Variants in LMX1A observed in about 807,000 individuals in gnomAD.
LMX1A encodes LIM homeobox transcription factor 1 alpha.
A neutral mutation model predicts 49.1 loss-of-function variants in LMX1A; 15 were observed. The ratio of observed to expected loss-of-function variants is 0.31; its 90% CI spans 0.20 to 0.47. The LOEUF is 0.47. LMX1A is among the 20% of genes least tolerant of loss of function. The pLI, the probability that LMX1A is intolerant of heterozygous loss-of-function variation, is 1.00. For synonymous variants in LMX1A, 167 were observed against 185.7 expected, an observed-to-expected ratio of 0.90 and a Z score of 0.82; for missense variants, 372 against 475.8, an observed-to-expected ratio of 0.78 and a Z score of 2.03.
chr1:165,268,525 C>T (rs1653694225), intron 3 of LMX1A, among the ~76,000 whole-genome samples: 1 of 152,218 alleles, frequency 6.6e-6, no homozygotes, highest in Non-Finnish European at 1.5e-5. Flanking sequence ...AATATTCCCA[C>T]ATCTAATGCC....
intron 3 of LMX1A, among the ~76,000 whole-genome samples, chr1:165,330,395 C>T (rs920536286): frequency 2.0e-5 from 3 of 152,184 alleles, no homozygotes; most frequent in African/African-American, 7.2e-5. Flanking sequence ...TGGTTGAACC[C>T]AGGAGGTTGA....
intron 4 of LMX1A, among the ~76,000 whole-genome samples, chr1:165,227,483 G>A (rs971661269): frequency 1.3e-5 from 2 of 152,162 alleles, no homozygotes; most frequent in African/African-American, 4.8e-5. Context: ...GGAGGCTGCA[G>A]TGAGCCAAGA....
At chr1:165,335,862 T>A (rs116355631) in intron 3 of LMX1A, among the ~76,000 whole-genome samples, 4,128 of 152,096 alleles carry the variant, frequency 0.027, 201 homozygotes, top group African/African-American at 0.094. Flanking sequence ...AGCTTTTACA[T>A]CCTTTTAAAA....
chr1:165,330,156 T>C (rs1352832500), intron 3 of LMX1A, among the ~76,000 whole-genome samples: 1 of 152,198 alleles, frequency 6.6e-6, no homozygotes, highest in Non-Finnish European at 1.5e-5. Context: ...AAGAGGTTAA[T>C]AACAGGGTCA....
intron 3 of LMX1A, among the ~76,000 whole-genome samples, chr1:165,336,255 A>G (rs1655894963): frequency 6.6e-6 from 1 of 152,110 alleles, no homozygotes; most frequent in Non-Finnish European, 1.5e-5. Flanking sequence ...TCCTTCTCAC[A>G]GTGTTATTTC....
chr1:165,338,111 G>A (rs1224045944), intron 3 of LMX1A, among the ~76,000 whole-genome samples: 1 of 152,100 alleles, frequency 6.6e-6, no homozygotes, highest in African/African-American at 2.4e-5. Context: ...CACACTAATT[G>A]GAAGGCTACC....
intron 3 of LMX1A, among the ~76,000 whole-genome samples, chr1:165,318,999 T>TCTCACA (rs1444303214): frequency 1.4e-4 from 16 of 117,818 alleles, no homozygotes; most frequent in African/African-American, 4.2e-4. Context: ...TCTCTCTCTC[T>TCTCACA]CACACACACA....
intron 4 of LMX1A, among the ~76,000 whole-genome samples, chr1:165,236,354 A>G (rs945189697): frequency 5.3e-5 from 8 of 151,618 alleles, no homozygotes; most frequent in Non-Finnish European, 1.0e-4. Flanking sequence ...ACAAAAATCT[A>G]TCGTACAGGC....
chr1:165,333,347 C>T (rs753271599), intron 3 of LMX1A, among the ~76,000 whole-genome samples: 2 of 152,128 alleles, frequency 1.3e-5, no homozygotes, highest in East Asian at 1.9e-4. Context: ...TTAGTAGAGA[C>T]AGGGTTTCAC....
intron 4 of LMX1A, among the ~76,000 whole-genome samples, chr1:165,214,043 C>A (rs965735989): frequency 6.6e-6 from 1 of 152,232 alleles, no homozygotes; most frequent in Non-Finnish European, 1.5e-5. Context: ...GGCTTTATCA[C>A]AGCATCATAT....
chr1:165,313,813 A>G (rs559065066), intron 3 of LMX1A, among the ~76,000 whole-genome samples: 1 of 152,212 alleles, frequency 6.6e-6, no homozygotes, highest in Non-Finnish European at 1.5e-5. Flanking sequence ...AGCATACATG[A>G]AAGCTAAGGT....
At chr1:165,231,292 T>A (rs1309620405) in intron 4 of LMX1A, among the ~76,000 whole-genome samples, 1 of 96,274 alleles carries the variant, frequency 1.0e-5, no homozygotes, top group Non-Finnish European at 2.2e-5. Context: ...ACTGGCTTAG[T>A]TTTTTTTTTT....
Position 165,213,761 on chromosome 1 carries a change from T to A in LMX1A, c.549A>T (p.Lys183Asn). The A allele has an allele frequency of 6.2e-7, 1 of 1,614,192 alleles. No homozygotes were observed. The highest frequency in any genetic ancestry group is 1.1e-5 in the South Asian group (1 of 91,076). The stretch of plus-strand genomic sequence containing the variant: ...GGTCCTTGCCTTCCTCAGCAGTTCC[T>A]TTCCCTGCCCCATGGGCTGACTTGC... Reference protein sequence around the residue: ...SLCKSAHGAGKGTAEEGKDHK... With the variant: ...SLCKSAHGAGNGTAEEGKDHK... Residue 183 changes from lysine to asparagine, a missense_variant, in exon 5 of 9, where the codon AAA (lysine) becomes AAT (asparagine). Physicochemically the swap from Lys to Asn is moderately conservative, Grantham distance 94 (BLOSUM62 0). Around this residue, in one of 3 missense-constraint regions of LMX1A, gnomAD observed 199 missense variants for 244.0 expected, o/e 0.82. Transcript: ENST00000342310.
intron 3 of LMX1A, among the ~76,000 whole-genome samples, chr1:165,261,488 A>G (rs76479211): frequency 0.016 from 2,417 of 152,270 alleles, 58 homozygotes; most frequent in African/African-American, 0.054. Flanking sequence ...AGTTTCCTCA[A>G]AAAAATTAAA....
chr1:165,287,300 T>G (rs1444439089), intron 3 of LMX1A, among the ~76,000 whole-genome samples: 1 of 152,096 alleles, frequency 6.6e-6, no homozygotes, highest in Non-Finnish European at 1.5e-5. Flanking sequence ...GATAGTCCAT[T>G]TCTCTAAAGG....
At chr1:165,322,451 G>A (rs1655445400) in intron 3 of LMX1A, among the ~76,000 whole-genome samples, 1 of 152,112 alleles carries the variant, frequency 6.6e-6, no homozygotes, top group African/African-American at 2.4e-5. Flanking sequence ...TGAATGATAT[G>A]CCAAATGTGG....
Position 165,203,997 on chromosome 1 carries a change from G to A in LMX1A, c.1032C>T (p.Ser344=), listed in dbSNP as rs1650958792. 4 of 1,614,120 alleles carry A rather than the reference G, an allele frequency of 2.5e-6. No homozygotes were observed. The highest frequency in any genetic ancestry group is 3.4e-6 in the Non-Finnish European group (4 of 1,179,992). The change falls in exon 9 of 9, where the codon TCC becomes TCT. Residue 344 remains serine, a synonymous_variant. Coordinates refer to ENST00000342310, the MANE Select transcript of LMX1A (RefSeq NM_177398.4). ...LFHDLDSDDT[S]LSNLGDCFLA... ...GGAAACAATCACCCAGGTTACTGAG[G>A]GAGGTGTCGTCGCTATCCAGGTCAT...
intron 4 of LMX1A, among the ~76,000 whole-genome samples, chr1:165,231,665 G>A (rs1652245668): frequency 6.6e-6 from 1 of 152,170 alleles, no homozygotes; most frequent in South Asian, 2.1e-4. Context: ...GAGAACTCTA[G>A]TTAACTTGGT....
chr1:165,287,910 T>C (rs1423883577), intron 3 of LMX1A, among the ~76,000 whole-genome samples: 3 of 152,218 alleles, frequency 2.0e-5, no homozygotes, highest in Non-Finnish European at 4.4e-5. Flanking sequence ...AAGGTACACT[T>C]GTCCTGAGAG....
Sources: gnomAD v4.1 joint callset for allele counts (sites outside exome capture counted in the v4.1 genomes callset) on GRCh38, gnomAD v4.1.1 for gene constraint, gnomAD v4.1.1 regional missense constraint, MANE v1.5 for transcripts, NCBI Gene and HGNC (gene_info 2026-07-23, HGNC 2026-07-21) for gene names.